Variants in CHTF18 observed in about 807,000 individuals in gnomAD.
CHTF18 encodes chromosome transmission fidelity factor 18.
Under a neutral mutation model 113.4 loss-of-function variants are expected in CHTF18, and 151 were observed. The ratio of observed to expected loss-of-function variants is 1.33; its 90% CI spans 1.17 to 1.52. The LOEUF is 1.52. Ranked by LOEUF, CHTF18 falls within the 40% of genes most tolerant of loss-of-function variation. The pLI is 0.00. For missense variants in CHTF18, 1,982 were observed against 1,381.6 expected (o/e 1.43, Z -6.89); for synonymous variants, 916 against 598.8 (o/e 1.53, Z -7.74).
intron 20 of CHTF18, 108 bp from the exon 21 acceptor site, chr16:797,586 A>T: frequency 2.5e-6 from 3 of 1,186,312 alleles, no homozygotes; most frequent in Non-Finnish European, 3.7e-6. Context: ...GGTGTCTCAG[A>T]GGTGTTCTGG....
At chr16:790,758 C>T (rs1160019188) in intron 7 of CHTF18, 92 bp downstream of exon 7, 14 of 1,445,742 alleles carry the variant, frequency 9.7e-6, no homozygotes, top group Admixed American at 8.4e-5. Flanking sequence ...AGCCAATCCA[C>T]TGGGCCTCGG....
At position 792,345 on chromosome 16, in the gene CHTF18, G is replaced by A. The variant is rs1282091598; in HGVS notation, c.1324G>A (p.Val442Met). Reference sequence around the variant, plus strand: ...CATCGATGAGATCGACGGGGCCCCCGTGGTGGGCTCCTTGATGCCTGGGTA... The same window carrying A: ...CATCGATGAGATCGACGGGGCCCCCATGGTGGGCTCCTTGATGCCTGGGTA... Reference protein sequence around the residue: ...LVIDEIDGAPVAAINVLLSIL... With the variant: ...LVIDEIDGAPMAAINVLLSIL... Residue 442 changes from valine (V) to methionine (M), a missense_variant and splice_region_variant, in exon 10 of 22, where the codon GTG becomes ATG. Transcript: ENST00000262315. 27 of 1,555,036 alleles carry A rather than the reference G, an allele frequency of 1.7e-5. No homozygotes were observed. The highest frequency in any genetic ancestry group is 2.4e-5 in the East Asian group (1 of 41,078).
chr16:797,606 C>T (rs1257311920), intron 20 of CHTF18, 88 bp from the exon 21 acceptor site: 3 of 1,457,022 alleles, frequency 2.1e-6, no homozygotes, highest in Non-Finnish European at 1.9e-6. Context: ...GTCCCTCCTC[C>T]CTGGGAAGGC....
At position 792,505 on chromosome 16, in the gene CHTF18, C is replaced by G; in HGVS notation, c.1393C>G (p.Pro465Ala). ...KGPQEVGPQG[P>A]AVPSGGGRRR... ...GCCACAGGAGGTGGGGCCACAGGGC[C>G]CGGCTGTGCCTTCGGGAGGCGGCCG... The change falls in exon 11 of 22, where the codon CCG (proline) becomes GCG (alanine). Residue 465 changes from proline (P) to alanine (A), a missense_variant. Pro to Ala is a conservative substitution (Grantham distance 27). Coordinates refer to ENST00000262315, the MANE Select transcript of CHTF18 (RefSeq NM_022092.3). The G allele has an allele frequency of 6.3e-7, 1 of 1,591,956 alleles. No individual in the cohort carries two copies. Among genetic ancestry groups the G allele is most frequent in the South Asian group, 1.1e-5 (1 of 88,202 alleles).
At chr16:795,879 C>T (rs748762382) in intron 17 of CHTF18, 45 bp downstream of exon 17, 16 of 1,606,962 alleles carry the variant, frequency 1.0e-5, no homozygotes, top group Admixed American at 6.7e-5. Context: ...CTGCTGCCCT[C>T]CTGTCCTAGG....
At position 798,039 on chromosome 16, in the gene CHTF18, G is replaced by A. The variant is rs1024084360; in HGVS notation, c.*64G>A. 44 of 1,553,368 alleles carry A rather than the reference G, an allele frequency of 2.8e-5. No homozygotes were observed. In the Admixed American group the frequency reaches 6.3e-4, roughly 22 times the overall value. On this transcript the variant is annotated 3_prime_UTR_variant, in exon 22 of 22. Coordinates refer to ENST00000262315, the MANE Select transcript of CHTF18 (RefSeq NM_022092.3). ...CAGAGTGCAGAGACAGGAAGCTGGA[G>A]ATGTCTTTATAAAGTCACACCTTTA... is the stretch of plus-strand genomic sequence containing the variant.
At chr16:790,748 A>C in intron 7 of CHTF18, 82 bp downstream of exon 7, 2 of 1,451,678 alleles carry the variant, frequency 1.4e-6, no homozygotes, top group Non-Finnish European at 1.8e-6. Context: ...ATTTTTGCAC[A>C]GCCAATCCAC....
In CHTF18 at chr16:796,122, C is replaced by T. The variant is rs770011293; in HGVS notation, c.2456+45C>T. 60 of 1,568,848 alleles carry T rather than the reference C, an allele frequency of 3.8e-5. No individual in the cohort carries two copies. In the Middle Eastern group the frequency reaches 5.5e-4, roughly 14 times the overall value. ...GGGTGTGCTCCAGGGTCATGCTCCC[C>T]GGCTGTGCTCCATGTTCAGGGCCCG... On this transcript the variant is annotated intron_variant, in intron 18 of 21. Transcript: ENST00000262315.
At chr16:797,564 C>T in intron 20 of CHTF18, 130 bp from the exon 21 acceptor site, 1 of 939,320 alleles carries the variant, frequency 1.1e-6, no homozygotes, top group Non-Finnish European at 1.6e-6. Flanking sequence ...TGGCCTGGGC[C>T]AGGTTCCGAA....
In CHTF18 at chr16:789,295, C is replaced by G. The variant is rs1459227094; in HGVS notation, c.372C>G (p.Asp124Glu). The G allele has an allele frequency of 1.9e-6, 3 of 1,592,426 alleles. No individual in the cohort carries two copies. The South Asian group carries it at 3.4e-5, about 18-fold the overall frequency. The change falls in exon 3 of 22, where the codon GAC (aspartate) becomes GAG (glutamate). Residue 124 changes from aspartate to glutamate, a missense_variant. Physicochemically the swap from Asp to Glu is conservative, Grantham distance 45. Transcript: ENST00000262315. ...AGATGGAGGAGCCGCCCCCTCCCGA[C>G]TCCTCGCCGACGGACATCACCCCGC... ...SEEMEEPPPP[D>E]SSPTDITPPP...
rs183654445 is a variant in CHTF18 at position 793,016 on chromosome 16, C to A, written c.1623C>A (p.Leu541=). The A allele has an allele frequency of 1.8e-3, 2,803 of 1,545,382 alleles. 40 individuals carry two copies. In the African/African-American group the frequency reaches 0.034, roughly 19 times the overall value. ...CCGACCCAGGGGTGCTGGCCGCCCT[C>A]TGTGAGAAAACTGACAATGACATCC... is the stretch of plus-strand genomic sequence containing the variant. ...MRADPGVLAA[L]CEKTDNDIRA... Residue 541 remains leucine (L), a synonymous_variant, in exon 13 of 22, where the codon CTC becomes CTA. Transcript: ENST00000262315.
Position 789,281 on chromosome 16 carries a change from C to A in CHTF18, c.358C>A (p.Pro120Thr), listed in dbSNP as rs748220599. ...CTTCAGATCGGAGGAGATGGAGGAG[C>A]CGCCCCCTCCCGACTCCTCGCCGAC... ...LNFRSEEMEE[P>T]PPPDSSPTDI... is the part of the protein sequence containing the mutation. Residue 120 changes from proline (P) to threonine (T), a missense_variant, in exon 3 of 22, where the codon CCG (proline) becomes ACG (threonine). Coordinates refer to ENST00000262315, the MANE Select transcript of CHTF18 (RefSeq NM_022092.3). 1 of 1,577,942 alleles carries A rather than the reference C, an allele frequency of 6.3e-7. No homozygotes were observed. Among genetic ancestry groups the A allele is most frequent in the South Asian group, 1.2e-5 (1 of 86,302 alleles).
At position 790,638 on chromosome 16, in the gene CHTF18, GC is replaced by G. The variant is rs755492820; in HGVS notation, c.868del (p.His290ThrfsTer19). ...CTCTGGGTGGATGAGTTTGCACCCC[GC>G]CACTACACGGAGCTGCTCAGTGATG... Reference protein sequence around the residue: ...HCLWVDEFAPRHYTELLSDDF... With the variant: ...HCLWVDEFAPXHYTELLSDDF... On this transcript the variant is annotated frameshift_variant, in exon 7 of 22. Coordinates refer to ENST00000262315, the MANE Select transcript of CHTF18 (RefSeq NM_022092.3). LOFTEE classifies it high-confidence loss of function. 1 of 1,594,838 alleles carries G rather than the reference GC, an allele frequency of 6.3e-7. No individual in the cohort carries two copies.
rs764601715 is a variant in CHTF18, at chr16:797,679, C to T, written c.2734-15C>T. On this transcript the variant is annotated splice_polypyrimidine_tract_variant and intron_variant, in intron 20 of 21. Transcript: ENST00000262315. ...CATCTGTCCTATACGACTGACTAGT[C>T]CTTCCTCCCATCAGCCTGAGAAGGA... 60 of 1,611,678 alleles carry T rather than the reference C, an allele frequency of 3.7e-5. No individual in the cohort carries two copies. Among genetic ancestry groups the T allele is most frequent in the South Asian group, 4.4e-5 (4 of 90,876 alleles).
At position 795,130 on chromosome 16, in the gene CHTF18, A is replaced by C; in HGVS notation, c.1951-2A>C. ...AGCTCAGGGGTTGCCGGCCGCCTGC[A>C]GGGCTTGTTTGACAACTTCCTGCGT... On this transcript the variant is annotated splice_acceptor_variant, in intron 15 of 21. Coordinates refer to ENST00000262315, the MANE Select transcript of CHTF18 (RefSeq NM_022092.3). LOFTEE classifies it high-confidence loss of function. 3 of 1,544,344 alleles carry C rather than the reference A, an allele frequency of 1.9e-6. No individual in the cohort carries two copies. Among genetic ancestry groups the C allele is most frequent in the Non-Finnish European group, 2.6e-6 (3 of 1,143,910 alleles).
At chr16:797,435 A>C (rs1232461421) in intron 20 of CHTF18, among the ~76,000 whole-genome samples, 1 of 152,156 alleles carries the variant, frequency 6.6e-6, no homozygotes, top group African/African-American at 2.4e-5. Flanking sequence ...CCTTACCCTC[A>C]GCATGACCAG....
At position 789,112 on chromosome 16, in the gene CHTF18, G is replaced by A. The variant is rs1200039320; in HGVS notation, c.273G>A (p.Gly91=). 1 of 1,537,448 alleles carries A rather than the reference G, an allele frequency of 6.5e-7. No homozygotes were observed. The change falls in exon 2 of 22, where the codon GGG becomes GGA. Residue 91 remains glycine (G), a synonymous_variant. Transcript: ENST00000262315. ...TGGACGCCGACCTGCAGCCGGCCGG[G>A]TCCCTGCCCCACGGTAGGTTGGCGG... The part of the protein sequence containing the change: ...RQVDADLQPA[G]SLPHAPRIKR...
At position 797,749 on chromosome 16, in the gene CHTF18, C is replaced by T; in HGVS notation, c.2789C>T (p.Ala930Val). 2 of 1,575,406 alleles carry T rather than the reference C, an allele frequency of 1.3e-6. No homozygotes were observed. The highest frequency in any genetic ancestry group is 2.3e-5 in the East Asian group (1 of 44,016). Residue 930 changes from alanine (A) to valine (V), a missense_variant and splice_region_variant, in exon 21 of 22, where the codon GCA becomes GTA. Ala to Val is a moderately conservative substitution (Grantham distance 64). Coordinates refer to ENST00000262315, the MANE Select transcript of CHTF18 (RefSeq NM_022092.3). Reference protein sequence around the residue: ...VVVRSTAVPSAGDTAPEQDSV... With the variant: ...VVVRSTAVPSVGDTAPEQDSV... ...GTCAGGAGCACAGCAGTCCCGAGTG[C>T]AGGTGTGTGTGGGGGTGTTGTGGGG...
At position 791,332 on chromosome 16, in the gene CHTF18, G is replaced by C. The variant is rs780594242; in HGVS notation, c.1066G>C (p.Glu356Gln). The C allele has an allele frequency of 6.2e-6, 10 of 1,608,960 alleles. No homozygotes were observed. The highest frequency in any genetic ancestry group is 1.3e-5 in the African/African-American group (1 of 75,050). Residue 356 changes from glutamate (E) to glutamine (Q), a missense_variant, in exon 8 of 22, where the codon GAG becomes CAG. Coordinates refer to ENST00000262315, the MANE Select transcript of CHTF18 (RefSeq NM_022092.3). ...SHEQVLEEML[E>Q]AGLDPSQRPK... The stretch of plus-strand genomic sequence containing the variant: ...CGAACAGGTGCTGGAGGAGATGCTG[G>C]AGGCTGGGCTGGACCCGAGCCAGCG...
Sources: allele counts gnomAD v4.1 joint callset (sites outside exome capture counted in the v4.1 genomes callset), GRCh38; gene constraint gnomAD v4.1.1; transcripts MANE v1.5; gene names NCBI Gene and HGNC (gene_info 2026-07-23, HGNC 2026-07-21).